The following SEMA3E variants were observed in gnomAD, a reference collection of about 807,000 sequenced individuals.
SEMA3E encodes the protein semaphorin 3E.
In SEMA3E, 49 loss-of-function variants were observed where a neutral mutation model predicts 93.6. The ratio of observed to expected loss-of-function variants is 0.52; its 90% CI spans 0.42 to 0.66. SEMA3E has a LOEUF of 0.66. SEMA3E is among the 30% of genes least tolerant of loss of function. SEMA3E has a pLI of 0.00. For missense variants in SEMA3E, 906 were observed against 964.8 expected, an observed-to-expected ratio of 0.94 and a Z score of 0.81; for synonymous variants, 363 against 330.7, an observed-to-expected ratio of 1.10 and a Z score of -1.06.
chr7:83,626,013 G>T (rs1488501856), intron 1 of SEMA3E, among the ~76,000 whole-genome samples: 3 of 152,156 alleles, frequency 2.0e-5, no homozygotes, highest in Admixed American at 2.0e-4. Context: ...CACATTTATT[G>T]ATTTGCATAT....
At chr7:83,513,004 T>C (rs1009518808) in intron 1 of SEMA3E, among the ~76,000 whole-genome samples, 1 of 152,182 alleles carries the variant, frequency 6.6e-6, no homozygotes, top group Admixed American at 6.5e-5. Context: ...TAGTAAAGAA[T>C]TTATATTTTT....
At chr7:83,507,863 A>C (rs1430064729) in intron 1 of SEMA3E, among the ~76,000 whole-genome samples, 2 of 151,986 alleles carry the variant, frequency 1.3e-5, no homozygotes, top group Admixed American at 1.3e-4. Flanking sequence ...AGGTGGGAGG[A>C]TAGTTTAAAC....
chr7:83,465,786 G>C (rs1789743249), intron 4 of SEMA3E, among the ~76,000 whole-genome samples: 1 of 152,140 alleles, frequency 6.6e-6, no homozygotes, highest in Admixed American at 6.5e-5. Flanking sequence ...GATATAGAGT[G>C]CTTCAAAATA....
chr7:83,622,807 A>G (rs1023198194), intron 1 of SEMA3E, among the ~76,000 whole-genome samples: 1 of 152,096 alleles, frequency 6.6e-6, no homozygotes, highest in Non-Finnish European at 1.5e-5. Flanking sequence ...ATAGAGTAAA[A>G]CAACACACAC....
rs11971894 is a variant in SEMA3E, at chr7:83,435,583, G to A, written c.457-17100C>T. On this transcript the variant is annotated intron_variant, in intron 4 of 16. Coordinates refer to ENST00000643230, the MANE Select transcript of SEMA3E (RefSeq NM_012431.3). ...TGCACTCCAGCGTGGGAGACAGAGC[G>A]AACCTCCGTCCAAAAAAAATAAAAT... is the stretch of plus-strand genomic sequence containing the variant. Among the ~76,000 whole-genome samples the A allele has an allele frequency of 5.0e-3, 756 of 151,896 alleles. 7 individuals carry two copies. The highest frequency in any genetic ancestry group is 0.017 in the African/African-American group (707 of 41,442).
intron 1 of SEMA3E, among the ~76,000 whole-genome samples, chr7:83,608,280 G>A (rs922992506): frequency 6.6e-6 from 1 of 151,972 alleles, no homozygotes; most frequent in African/African-American, 2.4e-5. Context: ...AGCAAGAGTG[G>A]ATACTCAGAG....
intron 1 of SEMA3E, among the ~76,000 whole-genome samples, chr7:83,623,859 T>C (rs1793612912): frequency 6.6e-6 from 1 of 152,062 alleles, no homozygotes; most frequent in Non-Finnish European, 1.5e-5. Context: ...ATTTTTCCTA[T>C]GGCTATCCCT....
chr7:83,444,911 T>A (rs1189695473), intron 4 of SEMA3E, among the ~76,000 whole-genome samples: 1 of 152,120 alleles, frequency 6.6e-6, no homozygotes, highest in Non-Finnish European at 1.5e-5. Flanking sequence ...CCTCAGGTGA[T>A]GCGCCCGTTT....
chr7:83,469,573 G>A (rs1270014164), intron 2 of SEMA3E, among the ~76,000 whole-genome samples: 1 of 151,890 alleles, frequency 6.6e-6, no homozygotes, highest in Non-Finnish European at 1.5e-5. Flanking sequence ...GGACAGCCAT[G>A]CCTTAACTAG....
intron 10 of SEMA3E, among the ~76,000 whole-genome samples, chr7:83,401,075 C>T (rs1052798096): frequency 2.0e-5 from 3 of 152,022 alleles, no homozygotes; most frequent in Admixed American, 6.6e-5. Context: ...CTGTAATCTA[C>T]GTGAATTTGT....
At chr7:83,497,731 T>C (rs996670233) in intron 1 of SEMA3E, among the ~76,000 whole-genome samples, 3 of 152,208 alleles carry the variant, frequency 2.0e-5, no homozygotes. Context: ...TTTTTAGCAA[T>C]GGACAATCAG....
chr7:83,405,548 T>C (rs769058062), intron 8 of SEMA3E, 29 bp from the exon 9 acceptor site: 1 of 1,582,412 alleles, frequency 6.3e-7, no homozygotes, highest in Non-Finnish European at 8.7e-7. Context: ...TTCCATCGCT[T>C]AGTATTTTTA....
intron 10 of SEMA3E, among the ~76,000 whole-genome samples, chr7:83,400,550 G>A (rs1273227877): frequency 6.6e-6 from 1 of 151,858 alleles, no homozygotes; most frequent in Non-Finnish European, 1.5e-5. Context: ...CCCACCCTCT[G>A]ACTTCAAGCA....
At chr7:83,602,778 G>C (rs1355268251) in intron 1 of SEMA3E, among the ~76,000 whole-genome samples, 2 of 152,056 alleles carry the variant, frequency 1.3e-5, no homozygotes, top group Non-Finnish European at 2.9e-5. Flanking sequence ...GCCCAGCCTA[G>C]AAGCACTCTT....
At chr7:83,629,677 T>G (rs1489135526) in intron 1 of SEMA3E, among the ~76,000 whole-genome samples, 2 of 152,182 alleles carry the variant, frequency 1.3e-5, no homozygotes, top group Non-Finnish European at 2.9e-5. Context: ...TTCAGACTGC[T>G]GTGCTGGCAG....
Position 83,366,156 on chromosome 7 carries a change from TTGAAAAC to T in SEMA3E, c.*1423_*1429del, listed in dbSNP as rs1794663508. The T allele has an allele frequency of 6.6e-6, 1 of 152,124 alleles. No homozygotes were observed. The highest frequency in any genetic ancestry group is 2.4e-5 in the African/African-American group (1 of 41,462). 9.4% of individuals were successfully genotyped at this position (152,124 alleles called of 1,614,324 possible). On this transcript the variant is annotated 3_prime_UTR_variant, in exon 17 of 17. Transcript: ENST00000643230. The stretch of plus-strand genomic sequence containing the variant: ...TAAATGTATAACCTATAAGCTAACT[TTGAAAAC>T]TGAAATAAACACTGTTTAAGATTAA...
In SEMA3E at chr7:83,375,009, G is replaced by A. The variant is rs1195103066; in HGVS notation, c.1876-6971C>T. ...ACTCCTGTTGTTTGTAATGATTAAT[G>A]CGGTTTGACAACCAATAAACTAAGT... On this transcript the variant is annotated intron_variant, in intron 16 of 16. Coordinates refer to ENST00000643230, the MANE Select transcript of SEMA3E (RefSeq NM_012431.3). 3.9e-5 allele frequency among the ~76,000 whole-genome samples: 6 copies of A among 152,196 alleles called. No homozygotes were observed. In the East Asian group the frequency reaches 9.6e-4, roughly 24 times the overall value.
chr7:83,451,708 T>G (rs927519294), intron 4 of SEMA3E, among the ~76,000 whole-genome samples: 1 of 152,240 alleles, frequency 6.6e-6, no homozygotes, highest in Non-Finnish European at 1.5e-5. Flanking sequence ...CTCCAACTAC[T>G]TAGCACCAAC....
chr7:83,439,942 G>C (rs750688800), intron 4 of SEMA3E, among the ~76,000 whole-genome samples: 94 of 152,290 alleles, frequency 6.2e-4, no homozygotes, highest in Non-Finnish European at 9.8e-4. Flanking sequence ...AGTGGTAAAA[G>C]AATGTAGAAT....
Sources: gnomAD v4.1 joint callset for allele counts (sites outside exome capture counted in the v4.1 genomes callset) on GRCh38, gnomAD v4.1.1 for gene constraint, MANE v1.5 for transcripts, NCBI Gene and HGNC (gene_info 2026-07-23, HGNC 2026-07-21) for gene names.